The following CADPS variants were observed in gnomAD, a reference collection of about 807,000 sequenced individuals.
The protein encoded by CADPS is calcium-dependent secretion activator 1.
CADPS carries 57 observed loss-of-function variants against 167.3 expected under a neutral mutation model. The ratio of observed to expected loss-of-function variants is 0.34; its 90% CI spans 0.28 to 0.42. CADPS has a LOEUF of 0.42. Ranked by LOEUF, CADPS falls within the 20% of genes least tolerant of loss-of-function variation. CADPS has a pLI of 1.00. For synonymous variants in CADPS, 676 were observed against 635.3 expected, an observed-to-expected ratio of 1.06 and a Z score of -0.96; for missense variants, 1,414 against 1,738.1, an observed-to-expected ratio of 0.81 and a Z score of 3.32.
chr3:62,727,404 T>A (rs758130187), intron 3 of CADPS, among the ~76,000 whole-genome samples: 1 of 151,896 alleles, frequency 6.6e-6, no homozygotes, highest in Non-Finnish European at 1.5e-5. Context: ...AACTAATTTG[T>A]AAGAACAGGT....
intron 24 of CADPS, among the ~76,000 whole-genome samples, chr3:62,466,938 C>G (rs953244281): frequency 6.6e-6 from 1 of 152,174 alleles, no homozygotes; most frequent in Non-Finnish European, 1.5e-5. Context: ...CAAGTCTTGA[C>G]TCAGTATAAA....
At chr3:62,449,613 C>T (rs974318291) in intron 26 of CADPS, among the ~76,000 whole-genome samples, 1 of 152,088 alleles carries the variant, frequency 6.6e-6, no homozygotes, top group Non-Finnish European at 1.5e-5. Context: ...GCCAGAAAAT[C>T]CAAGCATGCA....
chr3:62,874,841 G>A lies in CADPS; in HGVS notation c.189C>T (p.Gly63=), dbSNP rs1325192503. The change falls in exon 1 of 30, where the codon GGC becomes GGT. Residue 63 remains glycine (G), a synonymous_variant. Transcript: ENST00000383710. The surrounding 1 kb of genome is among the most constrained non-coding windows in gnomAD (Gnocchi z 7.1). Reference sequence around the variant, plus strand: ...CGCTGCTCGCGCCGCTGCCCCCGCCGCCGCCTGCACCCACCCCGGCTCCGG... The same window carrying A: ...CGCTGCTCGCGCCGCTGCCCCCGCCACCGCCTGCACCCACCCCGGCTCCGG... ...AGAGAGVGAG[G]GGGSGASSGG... 32 of 1,048,372 alleles carry A rather than the reference G, an allele frequency of 3.1e-5. 1 individual carries two copies. In the South Asian group the frequency reaches 1.1e-3, roughly 36 times the overall value. The allele number at this position is 1,048,372 out of a possible 1,614,324, so 64.9% of individuals were successfully genotyped here. A position where few individuals can be genotyped will look rare whatever the true frequency, so the allele number is the denominator to read the frequency against.
chr3:62,725,730 C>T (rs1658790), intron 3 of CADPS, among the ~76,000 whole-genome samples: 34,415 of 151,750 alleles, frequency 0.23, 4,416 homozygotes, highest in African/African-American at 0.31. Flanking sequence ...CTGTACTAAC[C>T]GCTGAAGAAA....
At chr3:62,777,432 G>A (rs1468074180) in intron 1 of CADPS, among the ~76,000 whole-genome samples, 4 of 152,140 alleles carry the variant, frequency 2.6e-5, no homozygotes, top group Admixed American at 6.5e-5. Context: ...TCTAACAATC[G>A]CCATTCAGGA....
intron 13 of CADPS, among the ~76,000 whole-genome samples, chr3:62,523,647 G>A (rs1440483970): frequency 6.6e-6 from 1 of 152,156 alleles, no homozygotes; most frequent in South Asian, 2.1e-4. Flanking sequence ...CATCTATTTG[G>A]TGATTAAGGG....
chr3:62,404,038 A>G (rs1707411352), intron 28 of CADPS: 1 of 152,178 alleles, frequency 6.6e-6, no homozygotes, highest in Non-Finnish European at 1.5e-5. Flanking sequence ...ATATTCATAA[A>G]TCTCACTCGG....
At chr3:62,516,212 G>C (rs1201697039) in intron 15 of CADPS, 30 bp from the exon 16 acceptor site, 1 of 1,612,002 alleles carries the variant, frequency 6.2e-7, no homozygotes, top group Non-Finnish European at 8.5e-7. Flanking sequence ...GGATTATTAA[G>C]AAGGTTCAAG....
intron 1 of CADPS, among the ~76,000 whole-genome samples, chr3:62,803,390 AC>A (rs1438122300): frequency 1.4e-5 from 2 of 142,336 alleles, no homozygotes; most frequent in East Asian, 4.1e-4. Flanking sequence ...GATTTTGCTC[AC>A]CTCTTCCTCA....
chr3:62,764,931 T>C (rs1252026725), intron 2 of CADPS, among the ~76,000 whole-genome samples: 2 of 152,264 alleles, frequency 1.3e-5, no homozygotes, highest in South Asian at 2.1e-4. Context: ...GAATTGTATA[T>C]AGCAGCATAT....
chr3:62,588,331 C>T (rs1044601720), intron 7 of CADPS, among the ~76,000 whole-genome samples: 12 of 150,494 alleles, frequency 8.0e-5, no homozygotes, highest in Non-Finnish European at 1.6e-4. Flanking sequence ...GAACACTTCC[C>T]ACATTGCACT....
intron 11 of CADPS, among the ~76,000 whole-genome samples, chr3:62,538,346 C>A (rs1240854502): frequency 6.6e-6 from 1 of 152,100 alleles, no homozygotes; most frequent in Non-Finnish European, 1.5e-5. Flanking sequence ...CTTAAACCTG[C>A]TCCAACTGTA....
intron 17 of CADPS, among the ~76,000 whole-genome samples, chr3:62,511,870 G>A (rs900940306): frequency 6.6e-6 from 1 of 152,196 alleles, no homozygotes; most frequent in Admixed American, 6.6e-5. Context: ...TACAGGGTAG[G>A]CTCCCACTAA....
intron 3 of CADPS, among the ~76,000 whole-genome samples, chr3:62,674,474 C>A (rs2076041041): frequency 6.6e-6 from 1 of 152,032 alleles, no homozygotes. Context: ...TGTTCAAAGT[C>A]AAAAATATTT....
intron 1 of CADPS, among the ~76,000 whole-genome samples, chr3:62,859,924 C>G (rs2080452270): frequency 1.3e-5 from 2 of 152,172 alleles, no homozygotes; most frequent in South Asian, 4.1e-4. Context: ...TCTACATTAT[C>G]TTTGATGGGC....
Position 62,413,674 on chromosome 3 carries a change from G to A in CADPS, c.3778-10489C>T, listed in dbSNP as rs115264656. ...TTTGCAAGATGAAACGACGTCTACA[G>A]ATCGGTTGCATAACACTGTGAATCT... On this transcript the variant is annotated intron_variant, in intron 28 of 29. Transcript: ENST00000383710. Among the ~76,000 whole-genome samples the A allele has an allele frequency of 3.5e-3, 528 of 152,268 alleles. 5 individuals carry two copies. The highest frequency in any genetic ancestry group is 0.012 in the African/African-American group (500 of 41,534).
At chr3:62,864,449 G>T (rs1559992701) in intron 1 of CADPS, among the ~76,000 whole-genome samples, 1 of 152,184 alleles carries the variant, frequency 6.6e-6, no homozygotes, top group Non-Finnish European at 1.5e-5. Flanking sequence ...ATTGTCAGAG[G>T]CTAGGTGATG....
chr3:62,661,082 T>C (rs911312970), intron 4 of CADPS, among the ~76,000 whole-genome samples: 1 of 152,180 alleles, frequency 6.6e-6, no homozygotes, highest in Admixed American at 6.5e-5. Context: ...GAATCAGCAC[T>C]CAACTAATAT....
chr3:62,691,070 T>C (rs191792140), intron 3 of CADPS, among the ~76,000 whole-genome samples: 5 of 152,102 alleles, frequency 3.3e-5, no homozygotes, highest in African/African-American at 1.2e-4. Flanking sequence ...GGAAAGCCAA[T>C]CTGAAAAGGC....
Sources: gnomAD v4.1 joint callset for allele counts (sites outside exome capture counted in the v4.1 genomes callset) on GRCh38, gnomAD v4.1.1 for gene constraint, Gnocchi (gnomAD v3.1) non-coding constraint, MANE v1.5 for transcripts, NCBI Gene and HGNC (gene_info 2026-07-23, HGNC 2026-07-21) for gene names.